MEI4: variants seen among roughly 807,000 people sequenced by gnomAD.
The protein encoded by MEI4 is meiotic double-stranded break formation protein 4.
Under a neutral mutation model 31.4 loss-of-function variants are expected in MEI4, and 27 were observed. The observed-to-expected ratio is 0.86, with a 90% CI of 0.63 to 1.19. The LOEUF is 1.19. Among genes scored for constraint, MEI4 ranks in the 50% most tolerant of loss-of-function variants. The probability of loss-of-function intolerance (pLI) is 0.00; values close to 1 mark genes in which losing one functional copy is unlikely to be tolerated. For synonymous variants in MEI4, 122 were observed against 145.4 expected (o/e 0.84, Z 1.16); for missense variants, 329 against 398.9 (o/e 0.82, Z 1.49).
chr6:77,705,561 G>A (rs989888013), intron 2 of MEI4, among the ~76,000 whole-genome samples: 1 of 152,084 alleles, frequency 6.6e-6, no homozygotes, highest in Non-Finnish European at 1.5e-5. Context: ...TGCAGACAAA[G>A]CACATGTATC....
At chr6:77,839,939 A>G (rs1274861024) in intron 4 of MEI4, among the ~76,000 whole-genome samples, 1 of 152,198 alleles carries the variant, frequency 6.6e-6, no homozygotes, top group Non-Finnish European at 1.5e-5. Flanking sequence ...GCAAGTGACA[A>G]TCATCAGAAG....
chr6:77,727,451 A>T (rs1766857106), intron 2 of MEI4, among the ~76,000 whole-genome samples: 1 of 152,198 alleles, frequency 6.6e-6, no homozygotes, highest in South Asian at 2.1e-4. Context: ...TTTACCAGGG[A>T]CAGTCTGAAC....
intron 3 of MEI4, among the ~76,000 whole-genome samples, chr6:77,771,892 A>G (rs908131855): frequency 6.6e-6 from 1 of 152,018 alleles, no homozygotes; most frequent in African/African-American, 2.4e-5. Flanking sequence ...CCATGACATG[A>G]GTTTACTTAT....
At chr6:77,751,350 C>A (rs557110390) in intron 2 of MEI4, among the ~76,000 whole-genome samples, 7 of 151,086 alleles carry the variant, frequency 4.6e-5, no homozygotes, top group Admixed American at 1.3e-4. Context: ...TTGAAAAGAT[C>A]AAGAAAACAA....
chr6:77,912,356 G>A (rs760872265), intron 4 of MEI4, among the ~76,000 whole-genome samples: 3 of 151,832 alleles, frequency 2.0e-5, no homozygotes, highest in Non-Finnish European at 2.9e-5. Flanking sequence ...CTATTTATAC[G>A]AAAAATGATA....
chr6:77,798,675 A>G (rs1582156896), intron 3 of MEI4, among the ~76,000 whole-genome samples: 1 of 121,450 alleles, frequency 8.2e-6, no homozygotes, highest in African/African-American at 3.2e-5. Context: ...CCAGAGTGTG[A>G]TGTTCCCCTT....
intron 3 of MEI4, among the ~76,000 whole-genome samples, chr6:77,788,315 T>A (rs1372017284): frequency 3.3e-5 from 5 of 152,188 alleles, no homozygotes; most frequent in Non-Finnish European, 5.9e-5. Flanking sequence ...AGGCAAAAAC[T>A]TGAAGCATTC....
At chr6:77,770,198 T>C (rs2127686228) in intron 3 of MEI4, among the ~76,000 whole-genome samples, 1 of 152,136 alleles carries the variant, frequency 6.6e-6, no homozygotes, top group East Asian at 1.9e-4. Context: ...TGAACAACTA[T>C]ATGCCAGTAA....
At chr6:77,814,970 A>G (rs1769655001) in intron 3 of MEI4, among the ~76,000 whole-genome samples, 1 of 152,112 alleles carries the variant, frequency 6.6e-6, no homozygotes, top group Admixed American at 6.6e-5. Context: ...TATCATATGG[A>G]TTGTGTTCTG....
chr6:77,901,954 GA>G (rs1421647158), intron 4 of MEI4, among the ~76,000 whole-genome samples: 1 of 152,056 alleles, frequency 6.6e-6, no homozygotes, highest in Non-Finnish European at 1.5e-5. Flanking sequence ...ATCATTCACT[GA>G]AGAGATTGTC....
chr6:77,898,686 A>G (rs1001269482), intron 4 of MEI4, among the ~76,000 whole-genome samples: 1 of 152,084 alleles, frequency 6.6e-6, no homozygotes, highest in African/African-American at 2.4e-5. Flanking sequence ...TGATTTAATG[A>G]ACTGTTACAT....
At chr6:77,918,007 C>A (rs1176200323) in intron 4 of MEI4, among the ~76,000 whole-genome samples, 1 of 151,830 alleles carries the variant, frequency 6.6e-6, no homozygotes, top group African/African-American at 2.4e-5. Context: ...TTTCCCATCA[C>A]CATATATTAA....
At chr6:77,855,688 T>C (rs1386623353) in intron 4 of MEI4, among the ~76,000 whole-genome samples, 2 of 152,190 alleles carry the variant, frequency 1.3e-5, no homozygotes, top group Admixed American at 6.6e-5. Context: ...GAAACACATC[T>C]GTGTTTAATG....
intron 2 of MEI4, among the ~76,000 whole-genome samples, chr6:77,708,442 T>C (rs1294105012): frequency 6.6e-6 from 1 of 152,182 alleles, no homozygotes. Flanking sequence ...TTGTCTTGAG[T>C]CTCAGATGAG....
chr6:77,826,070 C>A (rs117336390), intron 3 of MEI4, among the ~76,000 whole-genome samples: 1 of 152,240 alleles, frequency 6.6e-6, no homozygotes, highest in Non-Finnish European at 1.5e-5. Context: ...ACTATAAGTA[C>A]TGAGTGATCA....
chr6:77,851,114 G>A (rs1226284392), intron 4 of MEI4, among the ~76,000 whole-genome samples: 1 of 152,106 alleles, frequency 6.6e-6, no homozygotes, highest in Non-Finnish European at 1.5e-5. Context: ...TTAGAATGGT[G>A]ATCATTAAAA....
chr6:77,802,662 C>T (rs1203090210), intron 3 of MEI4, among the ~76,000 whole-genome samples: 1 of 152,120 alleles, frequency 6.6e-6, no homozygotes, highest in Non-Finnish European at 1.5e-5. Context: ...TTAGGACAGG[C>T]CTGGTGGTGA....
intron 4 of MEI4, among the ~76,000 whole-genome samples, chr6:77,918,583 G>A (rs1176034992): frequency 6.6e-6 from 1 of 150,762 alleles, no homozygotes; most frequent in East Asian, 2.0e-4. Context: ...TGTTGTTGGT[G>A]TATAAGAATG....
chr6:77,854,051 T>G (rs1770693241), intron 4 of MEI4, among the ~76,000 whole-genome samples: 1 of 152,168 alleles, frequency 6.6e-6, no homozygotes, highest in Admixed American at 6.5e-5. Flanking sequence ...TATGTGACCA[T>G]GAGCTTCCTT....
Sources: gnomAD v4.1 joint callset for allele counts (sites outside exome capture counted in the v4.1 genomes callset) on GRCh38, gnomAD v4.1.1 for gene constraint, MANE v1.5 for transcripts, NCBI Gene and HGNC (gene_info 2026-07-23, HGNC 2026-07-21) for gene names.